Variants in LTF observed in about 807,000 individuals in gnomAD.
The protein encoded by LTF is epididymis luminal protein 110.
LTF carries 91 observed loss-of-function variants against 87.2 expected under a neutral mutation model. That is an observed-to-expected ratio of 1.04 (90% confidence interval 0.88 to 1.24). The LOEUF (loss-of-function observed/expected upper bound fraction) is 1.24. Ranked by LOEUF, LTF falls within the 50% of genes most tolerant of loss-of-function variation. The pLI, the probability that LTF is intolerant of heterozygous loss-of-function variation, is 0.00. For synonymous variants in LTF, 378 were observed against 356.1 expected, an observed-to-expected ratio of 1.06 and a Z score of -0.69; for missense variants, 901 against 904.3, an observed-to-expected ratio of 1.00 and a Z score of 0.05.
In LTF at chr3:46,482,613, A is replaced by AAAGAAAGAAAGAAAGAAAG. The variant is rs1251135709; in HGVS notation, c.-320+2354_-320+2372dup. 1.2e-3 allele frequency among the ~76,000 whole-genome samples: 44 copies of AAAGAAAGAAAGAAAGAAAG among 36,368 alleles called. 1 individual carries two copies. Among genetic ancestry groups the AAAGAAAGAAAGAAAGAAAG allele is most frequent in the South Asian group, 4.2e-3 (3 of 706 alleles). 23.9% of individuals were successfully genotyped at this position (36,368 alleles called of 152,430 possible). Reference sequence around the variant, plus strand: ...AAAGAGAGAGAAAGAAAGAAAGAAGAAAGAAAGAAAGAAAGAAAGAAAGAA... The same window carrying AAAGAAAGAAAGAAAGAAAG: ...AAAGAGAGAGAAAGAAAGAAAGAAGAAAGAAAGAAAGAAAGAAAGAAGAAAGAAAGAAAGAAAGAAAGAA... On this transcript the variant is annotated intron_variant, in intron 1 of 19. Transcript: ENST00000443496.
At chr3:46,453,165 CA>C (rs1184994384) in intron 6 of LTF, among the ~76,000 whole-genome samples, 1 of 152,076 alleles carries the variant, frequency 6.6e-6, no homozygotes, top group Admixed American at 6.5e-5. Context: ...AAAAAGTAGT[CA>C]AATGTCACAA....
In LTF at chr3:46,482,569, G is replaced by GGA. The variant is rs770470546; in HGVS notation, c.-320+2415_-320+2416dup. 4.4e-4 allele frequency among the ~76,000 whole-genome samples: 47 copies of GGA among 106,070 alleles called. 8 individuals are homozygous for GGA. The highest frequency in any genetic ancestry group is 7.0e-4 in the East Asian group (2 of 2,858). 69.6% of individuals were successfully genotyped at this position (106,070 alleles called of 152,430 possible). On this transcript the variant is annotated intron_variant, in intron 1 of 19. Transcript: ENST00000443496. ...GGAAGGGAAGGGAAGGGAAGGGAAG[G>GGA]GAAAGGAAAGGAAGGGAGAAAGAGA...
intron 14 of LTF, among the ~76,000 whole-genome samples, chr3:46,440,139 T>C (rs1702484230): frequency 1.3e-5 from 2 of 152,256 alleles, no homozygotes; most frequent in South Asian, 2.1e-4. Flanking sequence ...CACTGAATTG[T>C]ACACTTTGCA....
At chr3:46,447,776 C>T (rs1236060917) in intron 9 of LTF, among the ~76,000 whole-genome samples, 1 of 152,112 alleles carries the variant, frequency 6.6e-6, no homozygotes, top group African/African-American at 2.4e-5. Flanking sequence ...CCACTCCAAG[C>T]GCTACACAGA....
intron 1 of LTF, among the ~76,000 whole-genome samples, chr3:46,481,720 C>T (rs1224861817): frequency 6.6e-6 from 1 of 152,164 alleles, no homozygotes; most frequent in Non-Finnish European, 1.5e-5. Context: ...CATTGCACTC[C>T]AGCCTGGGAG....
At chr3:46,439,895 G>C (rs1320786209) in intron 14 of LTF, among the ~76,000 whole-genome samples, 1 of 148,140 alleles carries the variant, frequency 6.8e-6, no homozygotes, top group African/African-American at 2.6e-5. Flanking sequence ...GGGCAACATA[G>C]CAAGACCTCA....
At chr3:46,476,674 C>T (rs907675754) in intron 1 of LTF, among the ~76,000 whole-genome samples, 6 of 152,140 alleles carry the variant, frequency 3.9e-5, no homozygotes, top group African/African-American at 9.7e-5. Context: ...GAAGATTACC[C>T]GCCCACAAAA....
At chr3:46,439,226 G>C in intron 15 of LTF, 70 bp downstream of exon 15, 1 of 1,452,708 alleles carries the variant, frequency 6.9e-7, no homozygotes, top group East Asian at 2.3e-5. Context: ...GGTGCACCTA[G>C]CTCTGTGATC....
At chr3:46,438,614 G>T (rs1049625336) in intron 15 of LTF, among the ~76,000 whole-genome samples, 2 of 152,182 alleles carry the variant, frequency 1.3e-5, no homozygotes, top group Non-Finnish European at 2.9e-5. Context: ...AGGCTCCCAT[G>T]TGGGGAGACT....
At chr3:46,445,128 G>A (rs866728750) in intron 12 of LTF, among the ~76,000 whole-genome samples, 153 bp downstream of exon 12, 5 of 152,168 alleles carry the variant, frequency 3.3e-5, no homozygotes, top group African/African-American at 1.2e-4. Context: ...ACGCCTCCAG[G>A]GGGCAGCCAC....
chr3:46,476,635 C>T (rs920030945), intron 1 of LTF, among the ~76,000 whole-genome samples: 1 of 152,138 alleles, frequency 6.6e-6, no homozygotes, highest in Non-Finnish European at 1.5e-5. Flanking sequence ...GAACACCTCG[C>T]TAAAAAACAG....
chr3:46,477,000 T>C (rs1180161325), intron 1 of LTF, among the ~76,000 whole-genome samples: 2 of 152,242 alleles, frequency 1.3e-5, no homozygotes, highest in Admixed American at 6.5e-5. Flanking sequence ...AGCGAACATA[T>C]GTATTCTTTT....
At chr3:46,467,652 T>C (rs1461085817), upstream of LTF, among the ~76,000 whole-genome samples, 3 of 148,484 alleles carry the variant, frequency 2.0e-5, no homozygotes, top group African/African-American at 2.5e-5. Flanking sequence ...TTCTTTTTTT[T>C]TTTTTTTTTT....
At chr3:46,463,899 C>G (rs1005565561) in intron 1 of LTF, among the ~76,000 whole-genome samples, 1 of 152,208 alleles carries the variant, frequency 6.6e-6, no homozygotes, top group Non-Finnish European at 1.5e-5. Context: ...TGGGTTTGGG[C>G]TCCCACTGCT....
chr3:46,478,560 G>A (rs1019303742), intron 1 of LTF, among the ~76,000 whole-genome samples: 2 of 152,204 alleles, frequency 1.3e-5, no homozygotes, highest in Non-Finnish European at 2.9e-5. Flanking sequence ...TTCCTGGACA[G>A]TGCAGCTGGA....
chr3:46,476,883 C>T (rs1703365971), intron 1 of LTF, among the ~76,000 whole-genome samples: 1 of 152,234 alleles, frequency 6.6e-6, no homozygotes, highest in South Asian at 2.1e-4. Flanking sequence ...TACATGCTCA[C>T]TTCTGTATAA....
At chr3:46,437,412 C>T (rs535232460) in intron 16 of LTF, among the ~76,000 whole-genome samples, 99 of 143,672 alleles carry the variant, frequency 6.9e-4, no homozygotes, top group African/African-American at 2.6e-3. Flanking sequence ...CTTCAACCTT[C>T]TGGGATCAAG....
intron 1 of LTF, among the ~76,000 whole-genome samples, chr3:46,480,634 G>A (rs1703420164): frequency 6.6e-6 from 1 of 152,282 alleles, no homozygotes; most frequent in Non-Finnish European, 1.5e-5. Flanking sequence ...GTAATAGCAG[G>A]AAATGTGTGT....
chr3:46,476,407 A>G (rs1472913283), intron 1 of LTF, among the ~76,000 whole-genome samples: 1 of 152,238 alleles, frequency 6.6e-6, no homozygotes, highest in Non-Finnish European at 1.5e-5. Flanking sequence ...GTTGAATTTC[A>G]GCATCAACTG....
Sources: allele counts gnomAD v4.1 joint callset (sites outside exome capture counted in the v4.1 genomes callset), GRCh38; gene constraint gnomAD v4.1.1; transcripts MANE v1.5; gene names NCBI Gene and HGNC (gene_info 2026-07-23, HGNC 2026-07-21).